DNAJC1: variants seen among roughly 807,000 people sequenced by gnomAD.
DNAJC1 encodes the protein dnaJ homolog subfamily C member 1.
In DNAJC1, 58 loss-of-function variants were observed where a neutral mutation model predicts 76.6. That is an observed-to-expected ratio of 0.76 (90% CI 0.61 to 0.94). The LOEUF (loss-of-function observed/expected upper bound fraction) is 0.94. DNAJC1 is among the 40% of genes least tolerant of loss of function. The pLI is 0.00. For missense variants in DNAJC1, 689 were observed against 677.3 expected, an observed-to-expected ratio of 1.02 and a Z score of -0.19; for synonymous variants, 258 against 267.9, an observed-to-expected ratio of 0.96 and a Z score of 0.36.
rs535086745 is a variant in DNAJC1 at position 21,834,831 on chromosome 10, G to C, written c.979-28732C>G. ...ATTAGGTAAACAAAGCAGCCAGGAA[G>C]CTCGAACAGGGTGGAGCCCACCACA... is the stretch of plus-strand genomic sequence containing the variant. On this transcript the variant is annotated intron_variant, in intron 8 of 11. Coordinates refer to ENST00000376980, the MANE Select transcript of DNAJC1 (RefSeq NM_022365.4). 4.7e-4 allele frequency among the ~76,000 whole-genome samples: 72 copies of C among 152,338 alleles called. No individual in the cohort carries two copies. In the Middle Eastern group the frequency reaches 0.01, roughly 22 times the overall value.
At position 22,003,726 on chromosome 10, in the gene DNAJC1, A is replaced by G. The variant is rs1341108486; in HGVS notation, c.-292T>C. The G allele has an allele frequency of 2.4e-5, 8 of 330,814 alleles. No individual in the cohort carries two copies. Among genetic ancestry groups the G allele is most frequent in the Non-Finnish European group, 4.4e-5 (8 of 183,754 alleles). 20.5% of individuals were successfully genotyped at this position (330,814 alleles called of 1,614,324 possible). ...AGGCAGCGCCCGGCGCCTGGGCTGC[A>G]CAGTGGGTGAGGCTTCCCTTCGCCT... On this transcript the variant is annotated 5_prime_UTR_variant, in exon 1 of 12. Coordinates refer to ENST00000376980, the MANE Select transcript of DNAJC1 (RefSeq NM_022365.4).
At chr10:21,764,107 T>TA (rs376380736) in intron 10 of DNAJC1, among the ~76,000 whole-genome samples, 98 of 146,690 alleles carry the variant, frequency 6.7e-4, no homozygotes, top group African/African-American at 1.5e-3. Flanking sequence ...TTCAGAACAA[T>TA]AAAAAAAAAA....
At chr10:21,972,830 T>C (rs992236004) in intron 1 of DNAJC1, among the ~76,000 whole-genome samples, 1 of 152,160 alleles carries the variant, frequency 6.6e-6, no homozygotes, top group East Asian at 1.9e-4. Flanking sequence ...ACCAAGAAAC[T>C]GAAAATAGGG....
chr10:21,956,897 A>ATT (rs772137685), intron 1 of DNAJC1, among the ~76,000 whole-genome samples: 11 of 134,706 alleles, frequency 8.2e-5, no homozygotes, highest in African/African-American at 2.0e-4. Flanking sequence ...TTATTTCTAG[A>ATT]TTTTTTTTTT....
intron 7 of DNAJC1, among the ~76,000 whole-genome samples, chr10:21,891,600 A>C (rs1310805946): frequency 6.6e-6 from 1 of 152,174 alleles, no homozygotes; most frequent in Non-Finnish European, 1.5e-5. Context: ...TAGAAGTACA[A>C]TTCAAATGAC....
At chr10:21,786,184 TG>T (rs896380678) in intron 9 of DNAJC1, among the ~76,000 whole-genome samples, 12 of 152,076 alleles carry the variant, frequency 7.9e-5, no homozygotes, top group African/African-American at 2.2e-4. Flanking sequence ...GAGTTGTTGT[TG>T]GTCTTAGCCC....
rs1284887784 is a variant in DNAJC1 at position 21,898,551 on chromosome 10, CT to C, written c.820+5970del. ...TAGGTTATGTATTTACTATACTATACTTTTTTTTTTTTTTTTTCCAGACAGA... is the reference window on the plus strand; with the variant it reads ...TAGGTTATGTATTTACTATACTATACTTTTTTTTTTTTTTTTCCAGACAGA... On this transcript the variant is annotated intron_variant, in intron 7 of 11. Transcript: ENST00000376980. Among the ~76,000 whole-genome samples, 1,308 of 137,298 alleles carry C rather than the reference CT, an allele frequency of 9.5e-3. 14 individuals are homozygous for C. The highest frequency in any genetic ancestry group is 0.023 in the African/African-American group (888 of 37,860). 90.1% of individuals were successfully genotyped at this position (137,298 alleles called of 152,430 possible).
chr10:21,973,789 T>G lies in DNAJC1; in HGVS notation c.222+29424A>C, dbSNP rs71491907. Among the ~76,000 whole-genome samples, 1,004 of 151,136 alleles carry G rather than the reference T, an allele frequency of 6.6e-3. 5 individuals carry two copies. The highest frequency in any genetic ancestry group is 0.011 in the Non-Finnish European group (765 of 67,780). ...AGAAGTGTTAGAAAAGATCTGGAGA[T>G]GAAAGTTTCTCTAGCTTGAAATATG... On this transcript the variant is annotated intron_variant, in intron 1 of 11. Coordinates refer to ENST00000376980, the MANE Select transcript of DNAJC1 (RefSeq NM_022365.4).
intron 8 of DNAJC1, among the ~76,000 whole-genome samples, chr10:21,820,207 T>A (rs538028595): frequency 3.3e-5 from 5 of 152,374 alleles, no homozygotes; most frequent in African/African-American, 1.2e-4. Context: ...AGTCTTTTAC[T>A]TAGCATAATG....
intron 8 of DNAJC1, among the ~76,000 whole-genome samples, chr10:21,828,167 T>C (rs1025097410): frequency 6.6e-6 from 1 of 152,246 alleles, no homozygotes; most frequent in Non-Finnish European, 1.5e-5. Flanking sequence ...AATCTCAGTG[T>C]ATAAAACAAT....
Position 21,766,276 on chromosome 10 carries a change from C to T in DNAJC1, c.1132G>A (p.Val378Met). The T allele has an allele frequency of 6.2e-7, 1 of 1,613,768 alleles. No homozygotes were observed. Among genetic ancestry groups the T allele is most frequent in the Non-Finnish European group, 8.5e-7 (1 of 1,179,688 alleles). ...ATGAACTCACCTGGGGAGCAGGTCA[C>T]TGAATCCTTCAGTTGCTTGGCTTTG... ...TTKAKQLKDSVTCSPGMVRLS... is the reference protein window; with the variant it reads ...TTKAKQLKDSMTCSPGMVRLS... Residue 378 changes from valine (V) to methionine (M), a missense_variant, in exon 10 of 12, where the codon GTG becomes ATG. Transcript: ENST00000376980.
At chr10:21,957,795 C>T (rs1459631576) in intron 1 of DNAJC1, among the ~76,000 whole-genome samples, 1 of 152,164 alleles carries the variant, frequency 6.6e-6, no homozygotes, top group Non-Finnish European at 1.5e-5. Flanking sequence ...CAGTTTGGTA[C>T]ATATACTTCT....
At chr10:21,783,968 A>T (rs1188800955) in intron 9 of DNAJC1, among the ~76,000 whole-genome samples, 5 of 152,212 alleles carry the variant, frequency 3.3e-5, no homozygotes, top group Non-Finnish European at 7.3e-5. Context: ...AACCTAGGCA[A>T]TACCATTCAG....
rs1284415331 is a variant in DNAJC1 at position 21,877,042 on chromosome 10, A to G, written c.978+5240T>C. Among the ~76,000 whole-genome samples, 5 of 152,146 alleles carry G rather than the reference A, an allele frequency of 3.3e-5. 1 individual carries two copies. Among genetic ancestry groups the G allele is most frequent in the African/African-American group, 1.2e-4 (5 of 41,440 alleles). On this transcript the variant is annotated intron_variant, in intron 8 of 11. Transcript: ENST00000376980. ...GTAATCCTAACACTTTGGGAGGCTG[A>G]GGCAGGAGGATCACTTAAGCCCAGG...
chr10:21,828,721 G>T (rs998160355), intron 8 of DNAJC1, among the ~76,000 whole-genome samples: 1 of 152,066 alleles, frequency 6.6e-6, no homozygotes, highest in African/African-American at 2.4e-5. Context: ...TAAAACATTA[G>T]AAAATAACTT....
At chr10:21,960,351 C>A (rs555606549) in intron 1 of DNAJC1, among the ~76,000 whole-genome samples, 3 of 152,052 alleles carry the variant, frequency 2.0e-5, no homozygotes, top group Non-Finnish European at 4.4e-5. Flanking sequence ...AATACAAAAA[C>A]AGGCAGTAAT....
chr10:21,885,159 G>C (rs148349754), intron 7 of DNAJC1, among the ~76,000 whole-genome samples: 122 of 152,078 alleles, frequency 8.0e-4, no homozygotes, highest in African/African-American at 2.6e-3. Flanking sequence ...TCAAAATAAA[G>C]AAATGAAGGG....
At chr10:21,830,339 CCTA>C (rs1835335987) in intron 8 of DNAJC1, among the ~76,000 whole-genome samples, 1 of 152,142 alleles carries the variant, frequency 6.6e-6, no homozygotes, top group African/African-American at 2.4e-5. Context: ...TTATTTTATT[CCTA>C]CTTTCAACTA....
At chr10:21,954,298 G>T (rs76567001) in intron 1 of DNAJC1, among the ~76,000 whole-genome samples, 1 of 152,108 alleles carries the variant, frequency 6.6e-6, no homozygotes, top group East Asian at 1.9e-4. Context: ...CACTCTCATT[G>T]TACTCTCAGG....
Sources: gnomAD v4.1 joint callset for allele counts (sites outside exome capture counted in the v4.1 genomes callset) on GRCh38, gnomAD v4.1.1 for gene constraint, MANE v1.5 for transcripts, NCBI Gene and HGNC (gene_info 2026-07-23, HGNC 2026-07-21) for gene names.